Variants in KLHL2 observed in about 807,000 individuals in gnomAD.
KLHL2 encodes kelch like family member 2, also known as kelch-like protein 2.
KLHL2 carries 15 observed loss-of-function variants against 75.8 expected under a neutral mutation model. The observed-to-expected ratio is 0.20, with a 90% CI of 0.13 to 0.30. The LOEUF is 0.30. Ranked by LOEUF, KLHL2 falls within the 10% of genes least tolerant of loss-of-function variation. The pLI is 1.00. For synonymous variants in KLHL2, 214 were observed against 251.9 expected, an observed-to-expected ratio of 0.85 and a Z score of 1.42; for missense variants, 381 against 741.0, an observed-to-expected ratio of 0.51 and a Z score of 5.64.
At chr4:165,229,496 A>G (rs1165120904) in intron 3 of KLHL2, among the ~76,000 whole-genome samples, 1 of 152,230 alleles carries the variant, frequency 6.6e-6, no homozygotes, top group Non-Finnish European at 1.5e-5. Flanking sequence ...CTGTTACATC[A>G]ATGAGTTTAT....
intron 9 of KLHL2, among the ~76,000 whole-genome samples, chr4:165,310,145 G>A (rs1242605280): frequency 6.6e-6 from 1 of 152,098 alleles, no homozygotes; most frequent in Non-Finnish European, 1.5e-5. Flanking sequence ...AGACCACAGT[G>A]AAACCCCATC....
chr4:165,231,786 A>G (rs1355468022), intron 3 of KLHL2, among the ~76,000 whole-genome samples: 1 of 152,180 alleles, frequency 6.6e-6, no homozygotes, highest in African/African-American at 2.4e-5. Flanking sequence ...CTAGGAGTGT[A>G]ATTGCCGGGT....
At chr4:165,290,824 A>G (rs1744452213) in intron 5 of KLHL2, among the ~76,000 whole-genome samples, 4 of 152,130 alleles carry the variant, frequency 2.6e-5, no homozygotes, top group Admixed American at 2.6e-4. Flanking sequence ...AAAATTAGCT[A>G]GATGAGGTGG....
chr4:165,208,003 C>T (rs1455119400), intron 1 of KLHL2, 101 bp downstream of exon 1: 18 of 837,254 alleles, frequency 2.1e-5, no homozygotes, highest in East Asian at 4.0e-5. Context: ...CCGCCGGGGC[C>T]GGCGGGAGGT....
intron 5 of KLHL2, among the ~76,000 whole-genome samples, chr4:165,291,845 A>T (rs577471338): frequency 6.6e-6 from 1 of 151,464 alleles, no homozygotes; most frequent in Non-Finnish European, 1.5e-5. Context: ...TTTTTTTTTT[A>T]AAGAGACAAG....
chr4:165,294,722 A>C (rs926521796), intron 6 of KLHL2, among the ~76,000 whole-genome samples: 2 of 152,210 alleles, frequency 1.3e-5, no homozygotes, highest in Non-Finnish European at 2.9e-5. Context: ...ATTTTTAGCC[A>C]CTACAGTTTT....
intron 1 of KLHL2, chr4:165,219,675 T>A: frequency 1.6e-6 from 2 of 1,220,318 alleles, no homozygotes; most frequent in South Asian, 5.7e-5. Context: ...AAGCCACTTC[T>A]GCTGAATATT....
At chr4:165,297,534 T>C (rs1240732503) in intron 6 of KLHL2, 75 bp from the exon 7 acceptor site, 1 of 840,062 alleles carries the variant, frequency 1.2e-6, no homozygotes, top group Non-Finnish European at 2.1e-6. Context: ...ATATAAAATG[T>C]AGTCTCATAT....
intron 5 of KLHL2, among the ~76,000 whole-genome samples, chr4:165,283,169 A>G (rs1441079859): frequency 6.6e-6 from 1 of 152,208 alleles, no homozygotes; most frequent in Non-Finnish European, 1.5e-5. Flanking sequence ...TTGTGGAGAC[A>G]CAGAACCAAA....
At chr4:165,294,332 T>C in intron 5 of KLHL2, 27 bp from the exon 6 acceptor site, 1 of 1,279,950 alleles carries the variant, frequency 7.8e-7, no homozygotes, top group Non-Finnish European at 1.1e-6. Flanking sequence ...TTGATGTTAG[T>C]GGATTTTCTT....
At chr4:165,251,240 C>A (rs1223874090) in intron 4 of KLHL2, among the ~76,000 whole-genome samples, 1 of 151,792 alleles carries the variant, frequency 6.6e-6, no homozygotes, top group Non-Finnish European at 1.5e-5. Context: ...GACATTCTAG[C>A]ACCCAGAAAT....
intron 5 of KLHL2, among the ~76,000 whole-genome samples, chr4:165,272,472 C>A (rs1742771777): frequency 1.3e-5 from 2 of 152,158 alleles, no homozygotes. Flanking sequence ...ACCAAGAAAG[C>A]TTTTGTATTT....
chr4:165,305,801 A>G, intron 9 of KLHL2, 76 bp downstream of exon 9: 1 of 998,044 alleles, frequency 1.0e-6, no homozygotes, highest in Non-Finnish European at 1.6e-6. Flanking sequence ...TATTTTATTA[A>G]TTAGAAAAAT....
intron 14 of KLHL2, among the ~76,000 whole-genome samples, chr4:165,318,805 A>C (rs1031785296): frequency 6.6e-6 from 1 of 151,748 alleles, no homozygotes; most frequent in Non-Finnish European, 1.5e-5. Context: ...ATTTTTTTGG[A>C]GATTGGTAAC....
intron 4 of KLHL2, among the ~76,000 whole-genome samples, chr4:165,245,899 T>C (rs1424730407): frequency 6.6e-6 from 1 of 152,128 alleles, no homozygotes; most frequent in East Asian, 1.9e-4. Context: ...ATGAATTTCA[T>C]CTTTCAATCA....
At chr4:165,260,937 A>G (rs771984752) in intron 4 of KLHL2, among the ~76,000 whole-genome samples, 3 of 152,238 alleles carry the variant, frequency 2.0e-5, no homozygotes, top group Non-Finnish European at 4.4e-5. Context: ...CCCACCAACA[A>G]TGTGTAAGTG....
At chr4:165,291,767 T>G (rs1744528041) in intron 5 of KLHL2, among the ~76,000 whole-genome samples, 1 of 152,112 alleles carries the variant, frequency 6.6e-6, no homozygotes, top group Non-Finnish European at 1.5e-5. Context: ...TTCTCCAGTC[T>G]CTTATATAAA....
In KLHL2 at chr4:165,276,802, A is replaced by G. The variant is rs527369186; in HGVS notation, c.544+13443A>G. Among the ~76,000 whole-genome samples, 3 of 152,274 alleles carry G rather than the reference A, an allele frequency of 2.0e-5. No homozygotes were observed. The East Asian group carries it at 5.8e-4, about 29-fold the overall frequency. On this transcript the variant is annotated intron_variant, in intron 5 of 14. Coordinates refer to ENST00000226725, the MANE Select transcript of KLHL2 (RefSeq NM_007246.4). ...TTTCTATATTTTTTTCTACTTAGGT[A>G]TTTAACTTTTTTGACATCCTCTTAT...
chr4:165,321,240 T>A (rs1342118990), intron 14 of KLHL2: 1 of 455,352 alleles, frequency 2.2e-6, no homozygotes, highest in African/African-American at 2.0e-5. Context: ...CCCTTCCACC[T>A]CCTCCACCTC....
Sources: gnomAD v4.1 joint callset for allele counts (sites outside exome capture counted in the v4.1 genomes callset) on GRCh38, gnomAD v4.1.1 for gene constraint, MANE v1.5 for transcripts, NCBI Gene and HGNC (gene_info 2026-07-23, HGNC 2026-07-21) for gene names.